Variants in RFC3 observed in about 807,000 individuals in gnomAD.
RFC3 encodes A1 38 kDa subunit.
Under a neutral mutation model 45.1 loss-of-function variants are expected in RFC3, and 41 were observed. The ratio of observed to expected loss-of-function variants is 0.91; its 90% confidence interval spans 0.71 to 1.18. RFC3 has a LOEUF of 1.18. Ranked by LOEUF, RFC3 falls within the 50% of genes most tolerant of loss-of-function variation. The pLI, the probability that RFC3 is intolerant of heterozygous loss-of-function variation, is 0.00. For synonymous variants in RFC3, 149 were observed against 144.0 expected (o/e 1.03, Z -0.25); for missense variants, 423 against 428.1 (o/e 0.99, Z 0.10).
intron 8 of RFC3, among the ~76,000 whole-genome samples, chr13:33,940,549 T>C (rs1246178516): frequency 6.6e-6 from 1 of 152,234 alleles, no homozygotes; most frequent in East Asian, 1.9e-4. Flanking sequence ...GTGTCAAGTA[T>C]GTTCATCATG....
At chr13:33,977,297 G>A in the RFC3 span, among the ~76,000 whole-genome samples, 2 of 152,192 alleles carry the variant, frequency 1.3e-5, no homozygotes, top group Non-Finnish European at 2.9e-5. Context: ...GAGGAAAATC[G>A]GATGTGGGGT....
Position 33,825,891 on chromosome 13 carries a change from G to A in RFC3, c.391+5G>A. On this transcript the variant is annotated splice_donor_5th_base_variant and intron_variant, in intron 4 of 8. Coordinates refer to ENST00000380071, the MANE Select transcript of RFC3 (RefSeq NM_002915.4). Reference sequence around the variant, plus strand: ...ACTCTCAAAGGGATTTTAAAGGTAGGTGATCAAAAGACTTCTTTTTATGAA... The same window carrying A: ...ACTCTCAAAGGGATTTTAAAGGTAGATGATCAAAAGACTTCTTTTTATGAA... The A allele has an allele frequency of 6.3e-7, 1 of 1,581,720 alleles. No homozygotes were observed.
intron 8 of RFC3, among the ~76,000 whole-genome samples, chr13:33,906,838 T>C (rs1057182338): frequency 2.0e-5 from 3 of 152,078 alleles, no homozygotes; most frequent in Non-Finnish European, 2.9e-5. Flanking sequence ...ATTAGGATGA[T>C]TAGTACCAAA....
At chr13:33,918,793 C>G (rs2137725323) in intron 8 of RFC3, among the ~76,000 whole-genome samples, 1 of 152,250 alleles carries the variant, frequency 6.6e-6, no homozygotes, top group East Asian at 1.9e-4. Context: ...GCAGTAATCA[C>G]AGCCAAGTTT....
chr13:33,965,257 G>A (rs1478895458), intron 8 of RFC3, among the ~76,000 whole-genome samples: 1 of 152,118 alleles, frequency 6.6e-6, no homozygotes, highest in African/African-American at 2.4e-5. Flanking sequence ...CTGTAAGGTG[G>A]GGATGATAAA....
intron 8 of RFC3, among the ~76,000 whole-genome samples, chr13:33,949,980 C>A (rs183314790): frequency 1.3e-5 from 2 of 152,068 alleles, no homozygotes; most frequent in Admixed American, 6.5e-5. Context: ...CAGGAGCTTT[C>A]CTGGGTCTCC....
intron 8 of RFC3, among the ~76,000 whole-genome samples, chr13:33,928,584 A>G (rs983372981): frequency 6.6e-6 from 1 of 152,118 alleles, no homozygotes; most frequent in African/African-American, 2.4e-5. Context: ...TATTACATTG[A>G]TCAGCTCACC....
intron 8 of RFC3, among the ~76,000 whole-genome samples, chr13:33,886,609 C>T (rs1043827684): frequency 6.7e-6 from 1 of 150,054 alleles, no homozygotes; most frequent in Non-Finnish European, 1.5e-5. Flanking sequence ...TGTTTTCTTG[C>T]ATCTGAAAGC....
chr13:33,830,669 CTT>C, intron 5 of RFC3, 48 bp from the exon 6 acceptor site: 2 of 1,504,412 alleles, frequency 1.3e-6, no homozygotes, highest in Non-Finnish European at 9.1e-7. Flanking sequence ...AGAAATGAAT[CTT>C]AATCTGCTTT....
chr13:33,836,445 C>G lies in RFC3; in HGVS notation c.*150C>G, dbSNP rs1014080014. ...TTCTCTGTGAACTATTAATCATCCT[C>G]TGAGTTAAATAATTGCTCCTATACT... is the stretch of plus-strand genomic sequence containing the variant. On this transcript the variant is annotated 3_prime_UTR_variant, in exon 9 of 9. Transcript: ENST00000380071. 2.1e-6 allele frequency: 3 copies of G among 1,443,688 alleles called. No homozygotes were observed. Among genetic ancestry groups the G allele is most frequent in the Admixed American group, 5.2e-5 (2 of 38,670 alleles). 89.4% of individuals were successfully genotyped at this position (1,443,688 alleles called of 1,614,324 possible).
At chr13:33,867,098 A>G (rs2082378464) in intron 8 of RFC3, among the ~76,000 whole-genome samples, 1 of 152,208 alleles carries the variant, frequency 6.6e-6, no homozygotes, top group African/African-American at 2.4e-5. Flanking sequence ...AAACAAGGCA[A>G]TGCTAATACT....
At chr13:33,966,074 A>G (rs534132382) in intron 8 of RFC3, 3 of 1,595,348 alleles carry the variant, frequency 1.9e-6, no homozygotes, top group Admixed American at 3.3e-5. Flanking sequence ...TGGATAGTGA[A>G]TATCTCTTAC....
rs934879789 is a variant in RFC3, at chr13:33,893,677, A to AAAT, written c.879+58472_879+58474dup. 2.6e-5 allele frequency among the ~76,000 whole-genome samples: 4 copies of AAAT among 152,076 alleles called. No homozygotes were observed. In the East Asian group the frequency reaches 7.7e-4, roughly 29 times the overall value. Reference sequence around the variant, plus strand: ...TATCAGACTAATTTTATGAAGACTGAAATAATAATAATAAAAAAGAAACAA... The same window carrying AAAT: ...TATCAGACTAATTTTATGAAGACTGAAATAATAATAATAATAAAAAAGAAACAA... On this transcript the variant is annotated intron_variant, in intron 8 of 8. Transcript: ENST00000434425.
At position 33,951,233 on chromosome 13, in the gene RFC3, A is replaced by ATT. The variant is rs11336021; in HGVS notation, c.880-14838_880-14837dup. Among the ~76,000 whole-genome samples the ATT allele has an allele frequency of 1.3e-4, 17 of 134,162 alleles. No homozygotes were observed. The East Asian group carries it at 2.2e-3, about 17-fold the overall frequency. The allele number at this position is 134,162 out of a possible 152,430, so 88.0% of individuals were successfully genotyped here. On this transcript the variant is annotated intron_variant, in intron 8 of 8. Transcript: ENST00000434425. Reference sequence around the variant, plus strand: ...ATATCACTGGGTATACTATAAGTACATTTTTTTTTTTTTTTTTGAGACAGA... The same window carrying ATT: ...ATATCACTGGGTATACTATAAGTACATTTTTTTTTTTTTTTTTTTGAGACAGA...
chr13:33,826,457 G>T (rs1392421512), intron 4 of RFC3, among the ~76,000 whole-genome samples: 1 of 152,142 alleles, frequency 6.6e-6, no homozygotes, highest in Non-Finnish European at 1.5e-5. Context: ...TTGTCAGTTT[G>T]AGTGGAGAAG....
chr13:33,841,253 A>C (rs2082196249), downstream of RFC3, among the ~76,000 whole-genome samples: 1 of 152,222 alleles, frequency 6.6e-6, no homozygotes, highest in Non-Finnish European at 1.5e-5. Flanking sequence ...TGTCTTCCAC[A>C]AAACTGGTCC....
chr13:33,950,791 T>TAATCCAGTGTTAGGTTTC (rs2082984917), intron 8 of RFC3, among the ~76,000 whole-genome samples: 1 of 152,150 alleles, frequency 6.6e-6, no homozygotes, highest in Admixed American at 6.5e-5. Context: ...TCTTTGAACC[T>TAATCCAGTGTTAGGTTTC]AATCCAGTGT....
intron 8 of RFC3, among the ~76,000 whole-genome samples, chr13:33,932,298 T>G (rs1303425074): frequency 6.6e-6 from 1 of 152,176 alleles, no homozygotes; most frequent in Non-Finnish European, 1.5e-5. Context: ...TGTCTATTTA[T>G]TCTTCTTAAT....
chr13:33,946,241 C>T (rs1290719821), intron 8 of RFC3, among the ~76,000 whole-genome samples: 1 of 152,152 alleles, frequency 6.6e-6, no homozygotes, highest in African/African-American at 2.4e-5. Flanking sequence ...TTCCTTCCAT[C>T]GTTATCAAAT....
Sources: gnomAD v4.1 joint callset for allele counts (sites outside exome capture counted in the v4.1 genomes callset) on GRCh38, gnomAD v4.1.1 for gene constraint, MANE v1.5 for transcripts, NCBI Gene and HGNC (gene_info 2026-07-23, HGNC 2026-07-21) for gene names.